The following KIF3C variants were observed in gnomAD, a reference collection of about 807,000 sequenced individuals.
KIF3C encodes kinesin-like protein KIF3C.
Under a neutral mutation model 67.7 loss-of-function variants are expected in KIF3C, and 12 were observed. The ratio of observed to expected loss-of-function variants is 0.18; its 90% CI spans 0.11 to 0.29. The LOEUF (loss-of-function observed/expected upper bound fraction) is 0.29, where lower values mean the gene tolerates loss of function less well. Among genes scored for constraint, KIF3C ranks in the 10% least tolerant of loss-of-function variants. KIF3C has a pLI of 1.00. For synonymous variants in KIF3C, 393 were observed against 426.2 expected (o/e 0.92, Z 0.96); for missense variants, 789 against 1,059.6 (o/e 0.74, Z 3.55).
rs1663871599 is a variant in KIF3C at position 25,958,726 on chromosome 2, T to C, written c.1546-2282A>G. Among the ~76,000 whole-genome samples, 1 of 152,198 alleles carries C rather than the reference T, an allele frequency of 6.6e-6. No individual in the cohort carries two copies. The highest frequency in any genetic ancestry group is 1.5e-5 in the Non-Finnish European group (1 of 68,026). On this transcript the variant is annotated intron_variant, in intron 1 of 7. Coordinates refer to ENST00000264712, the MANE Select transcript of KIF3C (RefSeq NM_002254.8). This position sits in a 1 kb window ranked among gnomAD's most constrained non-coding sequence, Gnocchi z 4.5. Reference sequence around the variant, plus strand: ...GGAGCTGGCCTGGCCTCCCGGTTCCTCTTACTATTCATGCTCTGCGTATGC... The same window carrying C: ...GGAGCTGGCCTGGCCTCCCGGTTCCCCTTACTATTCATGCTCTGCGTATGC...
chr2:25,941,375 T>A (rs1663279680), intron 5 of KIF3C, among the ~76,000 whole-genome samples: 1 of 151,832 alleles, frequency 6.6e-6, no homozygotes, highest in African/African-American at 2.4e-5. Flanking sequence ...AGGGCTAAAG[T>A]TGCAATGGAA....
chr2:25,960,139 T>G (rs1039192985), intron 1 of KIF3C, among the ~76,000 whole-genome samples: 1 of 152,118 alleles, frequency 6.6e-6, no homozygotes, highest in African/African-American at 2.4e-5. Context: ...TGTGGTGGCT[T>G]ATGCCTGTGG....
intron 7 of KIF3C, 113 bp from the exon 8 acceptor site, chr2:25,929,184 C>A: frequency 7.2e-7 from 1 of 1,390,442 alleles, no homozygotes; most frequent in Non-Finnish European, 1.0e-6. Flanking sequence ...CTGACATCCC[C>A]AGTCACCCCT....
intron 5 of KIF3C, among the ~76,000 whole-genome samples, chr2:25,931,494 AT>A (rs1448849547): frequency 2.0e-5 from 3 of 152,080 alleles, no homozygotes; most frequent in Non-Finnish European, 4.4e-5. Context: ...CAAAAAAAGT[AT>A]CCCCCATGGA....
At position 25,955,642 on chromosome 2, in the gene KIF3C, G is replaced by T; in HGVS notation, c.1669C>A (p.Gln557Lys). 4 of 1,614,146 alleles carry T rather than the reference G, an allele frequency of 2.5e-6. No individual in the cohort carries two copies. Among genetic ancestry groups the T allele is most frequent in the Non-Finnish European group, 3.4e-6 (4 of 1,179,998 alleles). Residue 557 changes from glutamine to lysine, a missense_variant, in exon 3 of 8, where the codon CAG becomes AAG. By Grantham distance (53) the Gln-to-Lys change is moderately conservative (BLOSUM62 1). Coordinates refer to ENST00000264712, the MANE Select transcript of KIF3C (RefSeq NM_002254.8). This position sits in a 1 kb window ranked among gnomAD's most constrained non-coding sequence, Gnocchi z 5.0. ...TCGTCCCGGAGCATCATCTCCTGCTGCATCTCCCGCTCACGACGTTTCTAG... is the reference window on the plus strand; with the variant it reads ...TCGTCCCGGAGCATCATCTCCTGCTTCATCTCCCGCTCACGACGTTTCTAG... ...AEQKRREREM[Q>K]QEMMLRDEET...
chr2:25,974,865 A>C (rs1163072016), intron 1 of KIF3C, among the ~76,000 whole-genome samples: 2 of 151,888 alleles, frequency 1.3e-5, no homozygotes, highest in Non-Finnish European at 1.5e-5. Flanking sequence ...CATCTGTACT[A>C]AAAATATAAA....
At chr2:25,942,973 A>T (rs1351327717) in intron 5 of KIF3C, among the ~76,000 whole-genome samples, 1 of 152,178 alleles carries the variant, frequency 6.6e-6, no homozygotes, top group South Asian at 2.1e-4. Flanking sequence ...TTTTGAACAG[A>T]AGCTTTCTAA....
At chr2:25,938,769 A>AC (rs1219313714) in intron 5 of KIF3C, among the ~76,000 whole-genome samples, 1 of 151,446 alleles carries the variant, frequency 6.6e-6, no homozygotes, top group Non-Finnish European at 1.5e-5. Context: ...GCGTTTATGC[A>AC]CCCCTCCCTT....
At chr2:25,933,539 G>C (rs2090479435) in intron 5 of KIF3C, among the ~76,000 whole-genome samples, 1 of 151,928 alleles carries the variant, frequency 6.6e-6, no homozygotes, top group Non-Finnish European at 1.5e-5. Context: ...GCAGGGTATG[G>C]TAGCACACAC....
chr2:25,971,671 T>G (rs1664287095), intron 1 of KIF3C, among the ~76,000 whole-genome samples: 1 of 152,018 alleles, frequency 6.6e-6, no homozygotes, highest in African/African-American at 2.4e-5. Flanking sequence ...CCTCTATAGC[T>G]GCAGAGCTGG....
intron 5 of KIF3C, among the ~76,000 whole-genome samples, chr2:25,936,222 G>A (rs1296087307): frequency 1.3e-5 from 2 of 152,060 alleles, no homozygotes; most frequent in East Asian, 3.9e-4. Flanking sequence ...TAAATTTTTT[G>A]TAGAGATGGG....
Position 25,955,728 on chromosome 2 carries a change from C to T in KIF3C, c.1648-65G>A, listed in dbSNP as rs1331175749. The T allele has an allele frequency of 1.3e-6, 2 of 1,586,498 alleles. No homozygotes were observed. Among genetic ancestry groups the T allele is most frequent in the South Asian group, 1.1e-5 (1 of 88,486 alleles). On this transcript the variant is annotated intron_variant, in intron 2 of 7. Coordinates refer to ENST00000264712, the MANE Select transcript of KIF3C (RefSeq NM_002254.8). The surrounding 1 kb of genome is among the most constrained non-coding windows in gnomAD (Gnocchi z 5.0). Reference sequence around the variant, plus strand: ...CATACTCGGGAGGGCCAGGAAAGCTCAGGGGACTGGCTCACTCTGCCTGTC... The same window carrying T: ...CATACTCGGGAGGGCCAGGAAAGCTTAGGGGACTGGCTCACTCTGCCTGTC...
At chr2:25,937,779 G>T (rs573485361) in intron 5 of KIF3C, among the ~76,000 whole-genome samples, 1 of 152,214 alleles carries the variant, frequency 6.6e-6, no homozygotes, top group East Asian at 1.9e-4. Context: ...GGCCAGGTGT[G>T]GTGGCTCACG....
At chr2:25,959,590 C>T (rs981495849) in intron 1 of KIF3C, among the ~76,000 whole-genome samples, 3 of 152,160 alleles carry the variant, frequency 2.0e-5, no homozygotes, top group Non-Finnish European at 4.4e-5. Context: ...CAGGCACATG[C>T]CACCACACCC....
At position 25,955,413 on chromosome 2, in the gene KIF3C, C is replaced by T; in HGVS notation, c.1770+128G>A. The T allele has an allele frequency of 3.3e-6, 4 of 1,218,698 alleles. No homozygotes were observed. The highest frequency in any genetic ancestry group is 4.7e-6 in the Non-Finnish European group (4 of 859,712). The allele number at this position is 1,218,698 out of a possible 1,614,324, so 75.5% of individuals were successfully genotyped here. A position where few individuals can be genotyped will look rare whatever the true frequency, so the allele number is the denominator to read the frequency against. Reference sequence around the variant, plus strand: ...CTCCCCCTGTTGCTCACCCCCGAGGCCAAGCCATGTCACTCAGGGGTTCAG... The same window carrying T: ...CTCCCCCTGTTGCTCACCCCCGAGGTCAAGCCATGTCACTCAGGGGTTCAG... On this transcript the variant is annotated intron_variant, in intron 3 of 7. Coordinates refer to ENST00000264712, the MANE Select transcript of KIF3C (RefSeq NM_002254.8). This position sits in a 1 kb window ranked among gnomAD's most constrained non-coding sequence, Gnocchi z 5.0.
chr2:25,938,299 A>G (rs1168251549), intron 5 of KIF3C: 2 of 451,134 alleles, frequency 4.4e-6, no homozygotes, highest in Non-Finnish European at 8.9e-6. Flanking sequence ...TGGAGGTTTC[A>G]GTGAGCTGAG....
At chr2:25,929,654 T>C (rs1048583167) in intron 6 of KIF3C, among the ~76,000 whole-genome samples, 177 bp from the exon 7 acceptor site, 30 of 151,660 alleles carry the variant, frequency 2.0e-4, no homozygotes, top group African/African-American at 5.3e-4. Context: ...CTCACTCTGT[T>C]GCCCAGGCTG....
At chr2:25,943,620 G>T (rs1000324553) in intron 5 of KIF3C, among the ~76,000 whole-genome samples, 2 of 152,142 alleles carry the variant, frequency 1.3e-5, no homozygotes, top group African/African-American at 4.8e-5. Context: ...GAGGTGGGCG[G>T]ATCACCTGAG....
chr2:25,947,449 C>T (rs1231053372), intron 5 of KIF3C, among the ~76,000 whole-genome samples: 9 of 149,706 alleles, frequency 6.0e-5, no homozygotes, highest in Non-Finnish European at 7.4e-5. Context: ...GGTGTGGTGG[C>T]AGGCACCTGT....
Sources: allele counts gnomAD v4.1 joint callset (sites outside exome capture counted in the v4.1 genomes callset), GRCh38; gene constraint gnomAD v4.1.1; non-coding constraint Gnocchi (gnomAD v3.1); transcripts MANE v1.5; gene names NCBI Gene and HGNC (gene_info 2026-07-23, HGNC 2026-07-21).